The following BMERB1 variants were observed in gnomAD, a reference collection of about 807,000 sequenced individuals.
BMERB1 encodes the protein bMERB domain-containing protein 1.
In BMERB1, 12 loss-of-function variants were observed where a neutral mutation model predicts 23.6. The observed-to-expected ratio is 0.51, with a 90% confidence interval of 0.33 to 0.82. The LOEUF (loss-of-function observed/expected upper bound fraction) is 0.82, where lower values mean the gene tolerates loss of function less well. Ranked by LOEUF, BMERB1 falls within the 40% of genes least tolerant of loss-of-function variation. The pLI, the probability that BMERB1 is intolerant of heterozygous loss-of-function variation, is 0.03. For missense variants in BMERB1, 247 were observed against 255.4 expected, an observed-to-expected ratio of 0.97 and a Z score of 0.22; for synonymous variants, 122 against 96.6, an observed-to-expected ratio of 1.26 and a Z score of -1.54.
chr16:15,513,778 C>T (rs1310324188), intron 1 of BMERB1, among the ~76,000 whole-genome samples: 1 of 152,026 alleles, frequency 6.6e-6, no homozygotes, highest in East Asian at 1.9e-4. Context: ...CTTGTTATCC[C>T]AGCTACTTGG....
At chr16:15,570,090 T>C (rs1249440484) in intron 3 of BMERB1, among the ~76,000 whole-genome samples, 2 of 152,204 alleles carry the variant, frequency 1.3e-5, no homozygotes, top group Non-Finnish European at 2.9e-5. Flanking sequence ...CTCACTGTTA[T>C]CATTTTTGCA....
chr16:15,455,289 A>G (rs1335740321), intron 1 of BMERB1, among the ~76,000 whole-genome samples: 2 of 147,650 alleles, frequency 1.4e-5, no homozygotes, highest in Non-Finnish European at 3.0e-5. Context: ...GCGCAACTGC[A>G]CTCCAGCCTG....
chr16:15,550,435 C>T (rs1277721597), intron 2 of BMERB1, among the ~76,000 whole-genome samples: 5 of 152,042 alleles, frequency 3.3e-5, no homozygotes, highest in African/African-American at 2.4e-5. Flanking sequence ...CAGGTTCAAG[C>T]GATCCTCCCA....
chr16:15,458,552 A>C (rs1483437128), intron 1 of BMERB1, among the ~76,000 whole-genome samples: 1 of 151,384 alleles, frequency 6.6e-6, no homozygotes. Context: ...CCATCTCTAT[A>C]AACAATATGA....
intron 1 of BMERB1, among the ~76,000 whole-genome samples, chr16:15,445,005 C>G (rs1265175928): frequency 6.6e-6 from 1 of 152,182 alleles, no homozygotes; most frequent in Admixed American, 6.5e-5. Context: ...GGCCTCCCGC[C>G]TAGGCCTCCG....
chr16:15,542,071 T>G (rs1290499859), intron 2 of BMERB1, among the ~76,000 whole-genome samples: 2 of 149,692 alleles, frequency 1.3e-5, no homozygotes, highest in African/African-American at 4.9e-5. Context: ...TGTCTTTTTT[T>G]TTTTTTTTTT....
Position 15,495,875 on chromosome 16 carries a change from A to T in BMERB1, c.107-19430A>T, listed in dbSNP as rs189474411. 3.0e-3 allele frequency among the ~76,000 whole-genome samples: 454 copies of T among 152,242 alleles called. 5 individuals carry two copies. Among genetic ancestry groups the T allele is most frequent in the African/African-American group, 0.011 (439 of 41,544 alleles). On this transcript the variant is annotated intron_variant, in intron 1 of 5. Transcript: ENST00000300006. The stretch of plus-strand genomic sequence containing the variant: ...TGGGGCAAAGAATTCCCATGGGCTA[A>T]TGTCCTCTGTGCTTCCCCAACCCTA...
At chr16:15,532,569 G>A (rs1269101374) in intron 2 of BMERB1, among the ~76,000 whole-genome samples, 7 of 110,146 alleles carry the variant, frequency 6.4e-5, no homozygotes, top group African/African-American at 1.7e-4. Flanking sequence ...TTTTTGAGAC[G>A]GAGTCTCGCT....
chr16:15,576,518 G>A (rs900923415), intron 3 of BMERB1, among the ~76,000 whole-genome samples: 2 of 152,118 alleles, frequency 1.3e-5, no homozygotes, highest in Admixed American at 6.5e-5. Context: ...ATTACTGGAA[G>A]GACAGTGGAG....
At chr16:15,446,293 G>C (rs946795487) in intron 1 of BMERB1, among the ~76,000 whole-genome samples, 2 of 152,168 alleles carry the variant, frequency 1.3e-5, no homozygotes, top group African/African-American at 4.8e-5. Context: ...CTACCCGGGG[G>C]CTGAGGTGGG....
At chr16:15,456,950 C>G (rs1375774379) in intron 1 of BMERB1, among the ~76,000 whole-genome samples, 1 of 151,994 alleles carries the variant, frequency 6.6e-6, no homozygotes, top group Non-Finnish European at 1.5e-5. Context: ...CTCAGCCTCC[C>G]GAGTACCTGG....
At chr16:15,460,520 G>A (rs1280893206) in intron 1 of BMERB1, among the ~76,000 whole-genome samples, 1 of 152,148 alleles carries the variant, frequency 6.6e-6, no homozygotes, top group Non-Finnish European at 1.5e-5. Context: ...ATCGGAGCAG[G>A]ATCTGTTGAT....
At chr16:15,474,015 G>T (rs1237793555) in intron 1 of BMERB1, among the ~76,000 whole-genome samples, 1 of 151,756 alleles carries the variant, frequency 6.6e-6, no homozygotes, top group African/African-American at 2.4e-5. Context: ...AGCTCCTCGG[G>T]AGGCTGAGGC....
intron 1 of BMERB1, among the ~76,000 whole-genome samples, chr16:15,493,450 AT>A (rs2150939947): frequency 6.6e-6 from 1 of 152,286 alleles, no homozygotes; most frequent in East Asian, 1.9e-4. Context: ...CAGAGTATGC[AT>A]TTTAATCTTT....
At chr16:15,462,542 G>GA (rs1050180208) in intron 1 of BMERB1, among the ~76,000 whole-genome samples, 4 of 152,076 alleles carry the variant, frequency 2.6e-5, no homozygotes, top group African/African-American at 9.7e-5. Context: ...GGCTGCAGTG[G>GA]GAGAAGGTGA....
At position 15,581,313 on chromosome 16, in the gene BMERB1, C is replaced by G. The variant is rs371464387; in HGVS notation, c.401C>G (p.Ala134Gly). The change falls in exon 4 of 6, where the codon GCG becomes GGG. Residue 134 changes from alanine (A) to glycine (G), a missense_variant. Ala to Gly is a moderately conservative substitution (Grantham distance 60, BLOSUM62 0). Coordinates refer to ENST00000300006, the MANE Select transcript of BMERB1 (RefSeq NM_033201.3). ...VQKRDFLVDD[A>G]EVERLREQEE... is the part of the protein sequence containing the mutation. ...AAGAGAGACTTCCTGGTGGACGATG[C>G]GGAGGTCGAGCGGTTAAGGTGAGTG... The G allele has an allele frequency of 1.2e-6, 2 of 1,613,736 alleles. No homozygotes were observed. Among genetic ancestry groups the G allele is most frequent in the Non-Finnish European group, 1.7e-6 (2 of 1,179,894 alleles).
intron 2 of BMERB1, among the ~76,000 whole-genome samples, chr16:15,525,706 G>GA (rs772716993): frequency 0.096 from 11,220 of 116,646 alleles, 1,356 homozygotes; most frequent in African/African-American, 0.3. Context: ...TCCCATCTCA[G>GA]AAAAAAAAAA....
intron 1 of BMERB1, among the ~76,000 whole-genome samples, chr16:15,498,502 T>A (rs1403428076): frequency 6.7e-6 from 1 of 149,278 alleles, no homozygotes; most frequent in Non-Finnish European, 1.5e-5. Context: ...CCAGACTTGG[T>A]AATAGAGTGA....
intron 1 of BMERB1, among the ~76,000 whole-genome samples, chr16:15,503,858 T>A (rs1279013713): frequency 1.3e-5 from 2 of 152,200 alleles, no homozygotes; most frequent in Non-Finnish European, 2.9e-5. Flanking sequence ...AGAGCAACTG[T>A]TCTCCACAAC....
Sources: gnomAD v4.1 joint callset for allele counts (sites outside exome capture counted in the v4.1 genomes callset) on GRCh38, gnomAD v4.1.1 for gene constraint, MANE v1.5 for transcripts, NCBI Gene and HGNC (gene_info 2026-07-23, HGNC 2026-07-21) for gene names.